Variants in ZNF280D observed in about 807,000 individuals in gnomAD.
ZNF280D encodes the protein zinc finger protein 280D.
Under a neutral mutation model 94.7 loss-of-function variants are expected in ZNF280D, and 39 were observed. The observed-to-expected ratio is 0.41, with a 90% confidence interval of 0.32 to 0.54. The LOEUF is 0.54. Among genes scored for constraint, ZNF280D ranks in the 20% least tolerant of loss-of-function variants. The pLI is 0.22. For missense variants in ZNF280D, 1,090 were observed against 1,149.3 expected (o/e 0.95, Z 0.75); for synonymous variants, 398 against 377.6 (o/e 1.05, Z -0.63).
At chr15:56,679,177 A>G (rs1198919223) in intron 10 of ZNF280D, among the ~76,000 whole-genome samples, 1 of 152,114 alleles carries the variant, frequency 6.6e-6, no homozygotes, top group Non-Finnish European at 1.5e-5. Context: ...ATTAAATACT[A>G]AAAGAAAGGA....
intron 19 of ZNF280D, among the ~76,000 whole-genome samples, chr15:56,643,669 T>G (rs1457841666): frequency 6.6e-6 from 1 of 151,896 alleles, no homozygotes; most frequent in Non-Finnish European, 1.5e-5. Context: ...AAGAACTAGC[T>G]TATCCAAAGG....
chr15:56,690,930 C>T (rs912018591), intron 7 of ZNF280D, among the ~76,000 whole-genome samples: 2 of 152,070 alleles, frequency 1.3e-5, no homozygotes. Flanking sequence ...TAACTTGTCA[C>T]TCTCTAGTTA....
At chr15:56,662,187 T>C (rs1051545483) in intron 16 of ZNF280D, among the ~76,000 whole-genome samples, 1 of 151,832 alleles carries the variant, frequency 6.6e-6, no homozygotes, top group Non-Finnish European at 1.5e-5. Flanking sequence ...AGCAAGATTA[T>C]AGAGCAATTT....
intron 17 of ZNF280D, 29 bp downstream of exon 17, chr15:56,658,395 G>C: frequency 1.3e-6 from 2 of 1,540,966 alleles, no homozygotes; most frequent in Non-Finnish European, 1.8e-6. Context: ...TTTTTCAATA[G>C]AAAGAGTAAA....
At chr15:56,671,998 T>C (rs144665488) in intron 13 of ZNF280D, among the ~76,000 whole-genome samples, 34 of 152,256 alleles carry the variant, frequency 2.2e-4, no homozygotes, top group African/African-American at 7.2e-4. Flanking sequence ...TATTGGTATA[T>C]AGAAAAGCTA....
chr15:56,730,647 C>G (rs1209056518), intron 1 of ZNF280D: 1 of 152,274 alleles, frequency 6.6e-6, no homozygotes, highest in African/African-American at 2.4e-5. Flanking sequence ...GCAAAGCTTT[C>G]TGACATCTAC....
In ZNF280D at chr15:56,682,486, G is replaced by GAAAAAAAAAA; in HGVS notation, c.781-19_781-10dup. On this transcript the variant is annotated splice_polypyrimidine_tract_variant and intron_variant, in intron 9 of 21. Coordinates refer to ENST00000267807, the MANE Select transcript of ZNF280D (RefSeq NM_017661.4). ...ATGTCTGGACAACAATACTGAAAGA[G>GAAAAAAAAAA]AAAAAAAAAAAAAAAAAACAAGCCT... is the stretch of plus-strand genomic sequence containing the variant. 3 of 504,654 alleles carry GAAAAAAAAAA rather than the reference G, an allele frequency of 5.9e-6. No individual in the cohort carries two copies. Among genetic ancestry groups the GAAAAAAAAAA allele is most frequent in the South Asian group, 4.0e-5 (1 of 24,768 alleles). The allele number at this position is 504,654 out of a possible 1,614,324, so 31.3% of individuals were successfully genotyped here.
In ZNF280D at chr15:56,714,809, G is replaced by A. The variant is rs796192734; in HGVS notation, c.-85-7503C>T. 9.9e-5 allele frequency among the ~76,000 whole-genome samples: 15 copies of A among 152,148 alleles called. 1 individual carries two copies. The highest frequency in any genetic ancestry group is 3.6e-4 in the African/African-American group (15 of 41,518). On this transcript the variant is annotated intron_variant, in intron 1 of 21. Coordinates refer to ENST00000267807, the MANE Select transcript of ZNF280D (RefSeq NM_017661.4). ...AGTGAGCTCAGTCAAGACTTTGAAAGGACAATAAAATACTTGATAATATTA... is the reference window on the plus strand; with the variant it reads ...AGTGAGCTCAGTCAAGACTTTGAAAAGACAATAAAATACTTGATAATATTA...
At chr15:56,672,863 A>T (rs1164345166) in intron 13 of ZNF280D, among the ~76,000 whole-genome samples, 1 of 151,778 alleles carries the variant, frequency 6.6e-6, no homozygotes, top group South Asian at 2.1e-4. Context: ...TTTTCTTAAC[A>T]CAAGGTCTCA....
At chr15:56,640,532 A>C (rs140620113) in intron 20 of ZNF280D, among the ~76,000 whole-genome samples, 82 of 152,278 alleles carry the variant, frequency 5.4e-4, no homozygotes, top group African/African-American at 2.0e-3. Flanking sequence ...TAAAGATTTT[A>C]TTTATGCCAA....
In ZNF280D at chr15:56,677,605, T is replaced by A. The variant is rs753589997; in HGVS notation, c.1232A>T (p.His411Leu). 1 of 1,610,966 alleles carries A rather than the reference T, an allele frequency of 6.2e-7. No individual in the cohort carries two copies. Among genetic ancestry groups the A allele is most frequent in the Admixed American group, 1.7e-5 (1 of 59,798 alleles). The part of the protein sequence containing the change: ...HVLLQHMKDN[H>L]KPGEMPYVCQ... ...GACATATGGCATTTCACCAGGTTTATGATTGTCCTTCATATGTTGTAAAAG... is the reference window on the plus strand; with the variant it reads ...GACATATGGCATTTCACCAGGTTTAAGATTGTCCTTCATATGTTGTAAAAG... Residue 411 changes from histidine to leucine, a missense_variant, in exon 12 of 22, where the codon CAT (histidine) becomes CTT (leucine). Transcript: ENST00000267807.
intron 21 of ZNF280D, among the ~76,000 whole-genome samples, chr15:56,634,433 TC>T (rs1384692846): frequency 2.6e-5 from 4 of 152,056 alleles, no homozygotes; most frequent in African/African-American, 9.7e-5. Flanking sequence ...TTGTTAACAT[TC>T]CCCCAAGAAC....
At chr15:56,653,519 G>T (rs1023502049) in intron 19 of ZNF280D, 8 of 1,520,406 alleles carry the variant, frequency 5.3e-6, no homozygotes, top group African/African-American at 1.4e-5. Context: ...GAGAGAACAG[G>T]CATCAGTTGT....
chr15:56,640,315 G>A (rs1433670587), intron 20 of ZNF280D, among the ~76,000 whole-genome samples: 2 of 151,904 alleles, frequency 1.3e-5, no homozygotes, highest in Non-Finnish European at 2.9e-5. Flanking sequence ...TTAGCAACAG[G>A]GTCTCACTTT....
intron 19 of ZNF280D, among the ~76,000 whole-genome samples, chr15:56,649,472 A>G (rs2053086717): frequency 6.6e-6 from 1 of 152,154 alleles, no homozygotes. Context: ...AGGAAGAACT[A>G]TTTTACAGTT....
At chr15:56,710,517 G>A (rs1958730606) in intron 1 of ZNF280D, among the ~76,000 whole-genome samples, 1 of 151,788 alleles carries the variant, frequency 6.6e-6, no homozygotes, top group Non-Finnish European at 1.5e-5. Context: ...TGTTTGCATG[G>A]GGGAAAAATG....
chr15:56,688,961 C>A (rs568141936), intron 9 of ZNF280D, 80 bp downstream of exon 9: 2 of 826,888 alleles, frequency 2.4e-6, no homozygotes, highest in Admixed American at 2.9e-5. Context: ...TATTTCTGGA[C>A]AAACCATTAA....
At chr15:56,696,955 C>T (rs2056782807) in intron 6 of ZNF280D, among the ~76,000 whole-genome samples, 1 of 152,170 alleles carries the variant, frequency 6.6e-6, no homozygotes, top group Non-Finnish European at 1.5e-5. Context: ...CTTATAACAC[C>T]AAACGTACAA....
At chr15:56,695,260 A>T (rs1730201364) in intron 6 of ZNF280D, among the ~76,000 whole-genome samples, 1 of 151,986 alleles carries the variant, frequency 6.6e-6, no homozygotes, top group African/African-American at 2.4e-5. Context: ...TTTAGTAGAG[A>T]CAGGGTTTCA....
Sources: allele counts gnomAD v4.1 joint callset (sites outside exome capture counted in the v4.1 genomes callset), GRCh38; gene constraint gnomAD v4.1.1; transcripts MANE v1.5; gene names NCBI Gene and HGNC (gene_info 2026-07-23, HGNC 2026-07-21).